GPR158: variants seen among roughly 807,000 people sequenced by gnomAD.
GPR158 encodes the protein metabotropic glycine receptor.
A neutral mutation model predicts 78.2 loss-of-function variants in GPR158; 30 were observed. That is an observed-to-expected ratio of 0.38 (90% CI 0.29 to 0.52). The LOEUF (loss-of-function observed/expected upper bound fraction) is 0.52, where lower values mean the gene tolerates loss of function less well. Among genes scored for constraint, GPR158 ranks in the 20% least tolerant of loss-of-function variants. The pLI is 0.83. For synonymous variants in GPR158, 581 were observed against 591.1 expected (o/e 0.98, Z 0.25); for missense variants, 1,463 against 1,523.5 (o/e 0.96, Z 0.66).
chr10:25,461,730 TTTC>T (rs1193715883), intron 4 of GPR158, among the ~76,000 whole-genome samples: 2 of 142,252 alleles, frequency 1.4e-5, no homozygotes, highest in African/African-American at 5.7e-5. Flanking sequence ...CATCTAGGAC[TTTC>T]TTTTTTTTTT....
intron 2 of GPR158, among the ~76,000 whole-genome samples, chr10:25,357,271 G>A (rs1247577036): frequency 3.3e-5 from 5 of 152,114 alleles, no homozygotes; most frequent in African/African-American, 1.2e-4. Flanking sequence ...GCCTGACAAA[G>A]TAATACAAAA....
intron 4 of GPR158, among the ~76,000 whole-genome samples, chr10:25,423,129 G>GTATATACA (rs1564451190): frequency 3.9e-5 from 5 of 127,790 alleles, no homozygotes; most frequent in Admixed American, 2.3e-4. Flanking sequence ...ACATATATAT[G>GTATATACA]TATATACATA....
chr10:25,256,625 C>T (rs1425658703), intron 2 of GPR158, among the ~76,000 whole-genome samples: 2 of 152,030 alleles, frequency 1.3e-5, no homozygotes, highest in Non-Finnish European at 2.9e-5. Flanking sequence ...GTTGAGACTG[C>T]AGTGAGCCAT....
chr10:25,307,226 G>GT (rs575015040), intron 2 of GPR158, among the ~76,000 whole-genome samples: 1,576 of 145,388 alleles, frequency 0.011, 4 homozygotes, highest in Middle Eastern at 0.015. Context: ...TAAAGATAGT[G>GT]TTTTTTTTTT....
At chr10:25,245,831 A>T (rs983613504) in intron 2 of GPR158, among the ~76,000 whole-genome samples, 1 of 152,170 alleles carries the variant, frequency 6.6e-6, no homozygotes, top group Non-Finnish European at 1.5e-5. Flanking sequence ...AATCTTGAAA[A>T]CACTGAGGAA....
intron 3 of GPR158, among the ~76,000 whole-genome samples, chr10:25,410,524 G>A (rs1834569352): frequency 1.3e-5 from 2 of 152,280 alleles, no homozygotes; most frequent in South Asian, 4.1e-4. Context: ...GCCGAGGCAG[G>A]AGAATCACTT....
chr10:25,351,575 G>A (rs998776473), intron 2 of GPR158, among the ~76,000 whole-genome samples: 2 of 151,806 alleles, frequency 1.3e-5, no homozygotes, highest in Admixed American at 6.6e-5. Flanking sequence ...AACAGATAAA[G>A]GAGTAACTCT....
chr10:25,292,253 C>T (rs1489014424), intron 2 of GPR158, among the ~76,000 whole-genome samples: 1 of 151,950 alleles, frequency 6.6e-6, no homozygotes. Context: ...AATTCCGTGT[C>T]CTTTGAATTC....
intron 5 of GPR158, among the ~76,000 whole-genome samples, chr10:25,484,508 T>C (rs1238080554): frequency 6.6e-6 from 1 of 152,188 alleles, no homozygotes; most frequent in Non-Finnish European, 1.5e-5. Context: ...AAGAACATCA[T>C]CAGTGATCCT....
chr10:25,193,372 A>AG (rs931383890), intron 1 of GPR158, among the ~76,000 whole-genome samples: 1 of 152,204 alleles, frequency 6.6e-6, no homozygotes, highest in African/African-American at 2.4e-5. Flanking sequence ...TGAGGAAGGA[A>AG]GGATGAGAAG....
chr10:25,310,311 C>A (rs7069681), intron 2 of GPR158, among the ~76,000 whole-genome samples: 30,815 of 152,114 alleles, frequency 0.2, 5,275 homozygotes, highest in African/African-American at 0.47. Flanking sequence ...GTTTGCAGTA[C>A]GTTTTTGGAT....
At chr10:25,378,614 C>CAT (rs10546746) in intron 2 of GPR158, among the ~76,000 whole-genome samples, 3 of 150,942 alleles carry the variant, frequency 2.0e-5, no homozygotes, top group East Asian at 1.9e-4. Flanking sequence ...GCCAGTTAGG[C>CAT]ATATATATAT....
chr10:25,365,623 G>C (rs1009872964), intron 2 of GPR158, among the ~76,000 whole-genome samples: 2 of 151,568 alleles, frequency 1.3e-5, no homozygotes, highest in Non-Finnish European at 1.5e-5. Flanking sequence ...GAATGGAGTA[G>C]ACAAAATATT....
rs552707107 is a variant in GPR158 at position 25,538,376 on chromosome 10, T to C, written c.1405-12600T>C. 3.7e-4 allele frequency among the ~76,000 whole-genome samples: 56 copies of C among 152,326 alleles called. No homozygotes were observed. In the South Asian group the frequency reaches 0.011, roughly 29 times the overall value. ...GCATAGCTCCTTATGCCTTGTTTTA[T>C]AGAATAAATTAAGGATGTTCAATTC... On this transcript the variant is annotated intron_variant, in intron 5 of 10. Transcript: ENST00000376351.
At chr10:25,432,164 G>A (rs766164543) in intron 4 of GPR158, among the ~76,000 whole-genome samples, 2 of 152,020 alleles carry the variant, frequency 1.3e-5, no homozygotes, top group South Asian at 2.1e-4. Flanking sequence ...TAGGAATCAC[G>A]CAGAAAAACA....
chr10:25,181,468 G>A (rs1001993493), intron 1 of GPR158, among the ~76,000 whole-genome samples: 3 of 152,088 alleles, frequency 2.0e-5, no homozygotes, highest in African/African-American at 7.2e-5. Flanking sequence ...TTATATAGAG[G>A]TTTAGTTTTG....
intron 2 of GPR158, among the ~76,000 whole-genome samples, chr10:25,315,384 T>C (rs1388564524): frequency 6.6e-6 from 1 of 152,140 alleles, no homozygotes; most frequent in African/African-American, 2.4e-5. Context: ...TTAATGTCTT[T>C]TTTGTTAGAG....
Position 25,507,273 on chromosome 10 carries a change from G to C in GPR158, c.1404+40554G>C, listed in dbSNP as rs539053511. On this transcript the variant is annotated intron_variant, in intron 5 of 10. Coordinates refer to ENST00000376351, the MANE Select transcript of GPR158 (RefSeq NM_020752.3). ...TAATCATTTATTGCCTGCATGGAAA[G>C]AGAAGAATATTTTTGAACAGCACTA... is the stretch of plus-strand genomic sequence containing the variant. Among the ~76,000 whole-genome samples, 5 of 152,342 alleles carry C rather than the reference G, an allele frequency of 3.3e-5. No homozygotes were observed. In the East Asian group the frequency reaches 9.6e-4, roughly 29 times the overall value.
At chr10:25,233,605 G>C (rs1211529238) in intron 2 of GPR158, among the ~76,000 whole-genome samples, 1 of 152,188 alleles carries the variant, frequency 6.6e-6, no homozygotes, top group African/African-American at 2.4e-5. Flanking sequence ...AATCATCTTT[G>C]TCTGCCACTT....
Sources: allele counts gnomAD v4.1 joint callset (sites outside exome capture counted in the v4.1 genomes callset), GRCh38; gene constraint gnomAD v4.1.1; transcripts MANE v1.5; gene names NCBI Gene and HGNC (gene_info 2026-07-23, HGNC 2026-07-21).